Variants in DTX4 observed in about 807,000 individuals in gnomAD.
DTX4 encodes deltex E3 ubiquitin ligase 4, also known as E3 ubiquitin-protein ligase DTX4.
In DTX4, 28 loss-of-function variants were observed where a neutral mutation model predicts 57.6. That is an observed-to-expected ratio of 0.49 (90% CI 0.36 to 0.67). The LOEUF is 0.67. DTX4 is among the 30% of genes least tolerant of loss of function. The pLI is 0.00. For synonymous variants in DTX4, 316 were observed against 331.0 expected (o/e 0.95, Z 0.49); for missense variants, 715 against 836.8 (o/e 0.85, Z 1.80).
chr11:59,192,113 A>G lies in DTX4; in HGVS notation c.1237A>G (p.Met413Val). The change falls in exon 6 of 9, where the codon ATG (methionine) becomes GTG (valine). Residue 413 changes from methionine to valine, a missense_variant. Transcript: ENST00000227451. Reference protein sequence around the residue: ...HPPDEDCTICMERLTAPSGYK... With the variant: ...HPPDEDCTICVERLTAPSGYK... Reference sequence around the variant, plus strand: ...CCCTCCCCAGGACTGCACCATCTGTATGGAACGCCTCACGGCCCCCTCAGG... The same window carrying G: ...CCCTCCCCAGGACTGCACCATCTGTGTGGAACGCCTCACGGCCCCCTCAGG... 5 of 1,613,500 alleles carry G rather than the reference A, an allele frequency of 3.1e-6. No individual in the cohort carries two copies. The highest frequency in any genetic ancestry group is 4.2e-6 in the Non-Finnish European group (5 of 1,179,870).
upstream of DTX4, among the ~76,000 whole-genome samples, chr11:59,171,904 G>A (rs1301605552): frequency 6.6e-6 from 1 of 152,200 alleles, no homozygotes; most frequent in Non-Finnish European, 1.5e-5. Context: ...GGGCGACAGT[G>A]GTGGTCCCGG....
intron 6 of DTX4, among the ~76,000 whole-genome samples, chr11:59,192,911 A>G (rs1267160829): frequency 2.6e-5 from 4 of 152,190 alleles, no homozygotes; most frequent in African/African-American, 9.6e-5. Flanking sequence ...GGAAGACTCC[A>G]TAGGTGATCA....
At position 59,181,900 on chromosome 11, in the gene DTX4, G is replaced by A. The variant is rs747737410; in HGVS notation, c.373G>A (p.Asp125Asn). Residue 125 changes from aspartate to asparagine, a missense_variant, in exon 2 of 9, where the codon GAC (aspartate) becomes AAC (asparagine). Physicochemically the swap from Asp to Asn is conservative, Grantham distance 23. Transcript: ENST00000227451. ...CTATGAGAAGCAGCACCCCTGGATC[G>A]ACCTCACTTCCATTGGCTTTAGCTA... is the stretch of plus-strand genomic sequence containing the variant. ...HAYEKQHPWI[D>N]LTSIGFSYVI... The A allele has an allele frequency of 6.2e-6, 10 of 1,613,930 alleles. No homozygotes were observed. The highest frequency in any genetic ancestry group is 1.7e-5 in the Admixed American group (1 of 60,024).
At position 59,195,354 on chromosome 11, in the gene DTX4, C is replaced by T. The variant is rs762518828; in HGVS notation, c.1521C>T (p.Ile507=). The change falls in exon 7 of 9, where the codon ATC becomes ATT. Residue 507 remains isoleucine, a synonymous_variant. Transcript: ENST00000227451. ...AAACCATCCGGATCATCTACAGCAT[C>T]CCCCCCGGCATTCAGGTGAGCCTTT... ...DCKTIRIIYS[I]PPGIQGPEHP... 1.9e-6 allele frequency: 3 copies of T among 1,594,006 alleles called. No homozygotes were observed. Among genetic ancestry groups the T allele is most frequent in the South Asian group, 2.2e-5 (2 of 89,240 alleles).
chr11:59,187,386 G>A (rs1447168850), intron 2 of DTX4, among the ~76,000 whole-genome samples: 2 of 152,144 alleles, frequency 1.3e-5, no homozygotes, highest in Admixed American at 6.5e-5. Context: ...TATATGCTGT[G>A]AGCAGTTGGA....
chr11:59,182,445 G>A lies in DTX4; in HGVS notation c.918G>A (p.Arg306=), dbSNP rs1565216823. The A allele has an allele frequency of 6.2e-7, 1 of 1,607,768 alleles. No homozygotes were observed. The highest frequency in any genetic ancestry group is 8.5e-7 in the Non-Finnish European group (1 of 1,176,620). ...AGCGACTGGCCATTGCCCAGTCCCG[G>A]GTGCTGATCGCCTCTGGGTAAGTGC... ...NLQRLAIAQS[R]VLIASGVPTV... is the part of the protein sequence containing the mutation. The change falls in exon 2 of 9, where the codon CGG becomes CGA. Residue 306 remains arginine, a synonymous_variant. Coordinates refer to ENST00000227451, the MANE Select transcript of DTX4 (RefSeq NM_015177.2).
At chr11:59,186,068 C>T (rs1193118048) in intron 2 of DTX4, among the ~76,000 whole-genome samples, 1 of 152,140 alleles carries the variant, frequency 6.6e-6, no homozygotes, top group East Asian at 1.9e-4. Context: ...ATTTCACAAG[C>T]AAATATACCC....
rs1433402071 is a variant in DTX4 at position 59,206,209 on chromosome 11, T to G, written c.*1300T>G. On this transcript the variant is annotated 3_prime_UTR_variant, in exon 9 of 9. Transcript: ENST00000227451. ...GGTCCCTCATCTCCCTCATCTATTA[T>G]AGATTGACTTACAGCAGGGAGAGAA... 2 of 152,376 alleles carry G rather than the reference T, an allele frequency of 1.3e-5. No homozygotes were observed. The highest frequency in any genetic ancestry group is 6.5e-5 in the Admixed American group (1 of 15,282). The allele number at this position is 152,376 out of a possible 1,614,324, so 9.4% of individuals were successfully genotyped here.
chr11:59,173,220 C>G (rs1288110512), intron 1 of DTX4, among the ~76,000 whole-genome samples: 1 of 152,214 alleles, frequency 6.6e-6, no homozygotes, highest in East Asian at 1.9e-4. Context: ...TGACCTGACC[C>G]TGTTTTGCTT....
intron 7 of DTX4, among the ~76,000 whole-genome samples, chr11:59,196,528 C>G (rs747900499): frequency 1.3e-5 from 2 of 152,226 alleles, no homozygotes; most frequent in Non-Finnish European, 2.9e-5. Flanking sequence ...GGTTCCCCTT[C>G]CTAGCTGAGT....
intron 8 of DTX4, among the ~76,000 whole-genome samples, chr11:59,200,409 G>C (rs1862726828): frequency 6.6e-6 from 1 of 152,150 alleles, no homozygotes; most frequent in Non-Finnish European, 1.5e-5. Context: ...TTAAGATCCT[G>C]TGTCTAGAGC....
At chr11:59,178,029 G>A (rs1481339308) in intron 1 of DTX4, among the ~76,000 whole-genome samples, 1 of 152,216 alleles carries the variant, frequency 6.6e-6, no homozygotes, top group Non-Finnish European at 1.5e-5. Context: ...TGAGATGAAT[G>A]CTATTAAAAT....
intron 2 of DTX4, among the ~76,000 whole-genome samples, chr11:59,184,027 G>C (rs1166567379): frequency 2.0e-5 from 3 of 152,220 alleles, no homozygotes; most frequent in Non-Finnish European, 2.9e-5. Context: ...CTAAAGCCCA[G>C]CTCCTCATTG....
intron 1 of DTX4, among the ~76,000 whole-genome samples, chr11:59,180,864 C>T (rs1278797526): frequency 6.6e-6 from 1 of 152,146 alleles, no homozygotes; most frequent in African/African-American, 2.4e-5. Flanking sequence ...TAAGACAATC[C>T]TACCTTTAGG....
chr11:59,204,928 G>T lies in DTX4; in HGVS notation c.*19G>T, dbSNP rs1212049193. On this transcript the variant is annotated 3_prime_UTR_variant, in exon 9 of 9. Coordinates refer to ENST00000227451, the MANE Select transcript of DTX4 (RefSeq NM_015177.2). The stretch of plus-strand genomic sequence containing the variant: ...GGACTGAGGCCAGAAAAGCTTTGAG[G>T]TGGGAGGGGCCATGGAGACTGCAGG... 2 of 1,557,160 alleles carry T rather than the reference G, an allele frequency of 1.3e-6. No individual in the cohort carries two copies. The highest frequency in any genetic ancestry group is 8.7e-7 in the Non-Finnish European group (1 of 1,148,596).
chr11:59,183,654 T>G (rs1862493330), intron 2 of DTX4, among the ~76,000 whole-genome samples: 1 of 152,132 alleles, frequency 6.6e-6, no homozygotes, highest in Admixed American at 6.5e-5. Context: ...GTTTTGGTAC[T>G]CAGCTGGGTC....
At chr11:59,197,171 C>T (rs1862682685) in intron 7 of DTX4, among the ~76,000 whole-genome samples, 2 of 152,158 alleles carry the variant, frequency 1.3e-5, no homozygotes, top group Non-Finnish European at 2.9e-5. Flanking sequence ...TGCTCAATAC[C>T]TGGTCGTCAA....
chr11:59,199,313 A>C (rs920017960), intron 7 of DTX4, among the ~76,000 whole-genome samples: 9 of 152,366 alleles, frequency 5.9e-5, no homozygotes, highest in African/African-American at 2.2e-4. Flanking sequence ...TAGATGATGA[A>C]GATGATGGAC....
chr11:59,192,152 C>A lies in DTX4; in HGVS notation c.1276C>A (p.Gln426Lys). 2 of 1,613,954 alleles carry A rather than the reference C, an allele frequency of 1.2e-6. No homozygotes were observed. The highest frequency in any genetic ancestry group is 1.7e-6 in the Non-Finnish European group (2 of 1,179,892). Residue 426 changes from glutamine (Q) to lysine (K), a missense_variant, in exon 6 of 9, where the codon CAG (glutamine) becomes AAG (lysine). Coordinates refer to ENST00000227451, the MANE Select transcript of DTX4 (RefSeq NM_015177.2). ...LTAPSGYKGP[Q>K]PTVKPDLVGK... is the part of the protein sequence containing the mutation. ...GGCCCCCTCAGGCTACAAGGGCCCG[C>A]AGCCTACGGTAAAACCTGACCTGGT...
Sources: allele counts gnomAD v4.1 joint callset (sites outside exome capture counted in the v4.1 genomes callset), GRCh38; gene constraint gnomAD v4.1.1; transcripts MANE v1.5; gene names NCBI Gene and HGNC (gene_info 2026-07-23, HGNC 2026-07-21).